TOP6BL: variants seen among roughly 807,000 people sequenced by gnomAD.
TOP6BL encodes type 2 DNA topoisomerase 6 subunit B-like.
the TOP6BL span, among the ~76,000 whole-genome samples, chr11:66,787,467 A>G: frequency 1.9e-4 from 29 of 149,044 alleles, no homozygotes; most frequent in Non-Finnish European, 4.1e-4. Flanking sequence ...GCACTTTGGG[A>G]GGCTGAGGCA....
the TOP6BL span, among the ~76,000 whole-genome samples, chr11:66,797,385 TA>T: frequency 6.6e-6 from 1 of 152,200 alleles, no homozygotes; most frequent in Non-Finnish European, 1.5e-5. Context: ...CACTTTTTTT[TA>T]TTGCTTTATT....
the TOP6BL span, among the ~76,000 whole-genome samples, chr11:66,783,544 C>T: frequency 5.9e-5 from 9 of 152,144 alleles, no homozygotes; most frequent in African/African-American, 2.2e-4. Flanking sequence ...GGGTTTTCTG[C>T]TTATCCTTGT....
the TOP6BL span, among the ~76,000 whole-genome samples, chr11:66,775,112 CAAAAAAAAAA>C: frequency 6.9e-5 from 4 of 57,998 alleles, no homozygotes; most frequent in Admixed American, 2.3e-4. Flanking sequence ...GACTCTGTCT[CAAAAAAAAAA>C]AAAAAAAAAA....
the TOP6BL span, among the ~76,000 whole-genome samples, chr11:66,757,251 G>A: frequency 6.6e-6 from 1 of 152,114 alleles, no homozygotes; most frequent in Non-Finnish European, 1.5e-5. Context: ...GCTGAGGCAG[G>A]AGAATTGCAT....
At chr11:66,838,870 C>T in the TOP6BL span, among the ~76,000 whole-genome samples, 110 of 152,124 alleles carry the variant, frequency 7.2e-4, no homozygotes, top group Non-Finnish European at 1.5e-3. Flanking sequence ...TAGCTGGGAC[C>T]ACAGGCGCCC....
chr11:66,838,255 G>A, the TOP6BL span: 1 of 823,518 alleles, frequency 1.2e-6, no homozygotes, highest in Non-Finnish European at 2.0e-6. Flanking sequence ...GGGAGTTCCA[G>A]GTGAGGGCAG....
the TOP6BL span, among the ~76,000 whole-genome samples, chr11:66,797,663 C>T: frequency 6.6e-6 from 1 of 152,038 alleles, no homozygotes; most frequent in South Asian, 2.1e-4. Flanking sequence ...CACCACCACA[C>T]CTCGCTAATT....
chr11:66,772,990 C>T, the TOP6BL span, among the ~76,000 whole-genome samples: 4 of 152,224 alleles, frequency 2.6e-5, no homozygotes, highest in South Asian at 8.3e-4. Context: ...TGCAAATCAT[C>T]AAGGAAGCCA....
the TOP6BL span, among the ~76,000 whole-genome samples, chr11:66,773,250 C>T: frequency 6.6e-6 from 1 of 151,714 alleles, no homozygotes; most frequent in South Asian, 2.1e-4. Flanking sequence ...GACAGGGTCT[C>T]ACTGTGTTGC....
the TOP6BL span, among the ~76,000 whole-genome samples, chr11:66,798,982 A>T: frequency 6.6e-6 from 1 of 151,832 alleles, no homozygotes; most frequent in Non-Finnish European, 1.5e-5. Context: ...CGAGGTGGGC[A>T]GATCACCTGA....
chr11:66,745,314 T>TGGGGGGGG, the TOP6BL span, among the ~76,000 whole-genome samples: 1 of 111,050 alleles, frequency 9.0e-6, no homozygotes, highest in Non-Finnish European at 1.8e-5. Flanking sequence ...CGGGGCGGGG[T>TGGGGGGGG]GGGGGGAGTC....
chr11:66,804,658 C>G, the TOP6BL span, among the ~76,000 whole-genome samples: 1 of 152,186 alleles, frequency 6.6e-6, no homozygotes, highest in Non-Finnish European at 1.5e-5. Flanking sequence ...TGCTTGACGG[C>G]TGGGTGCAGT....
the TOP6BL span, among the ~76,000 whole-genome samples, chr11:66,800,322 G>A: frequency 6.6e-6 from 1 of 152,070 alleles, no homozygotes; most frequent in Non-Finnish European, 1.5e-5. Flanking sequence ...TATTTCACAG[G>A]GGGGTGACTA....
chr11:66,797,642 TTACAGGTG>T, the TOP6BL span, among the ~76,000 whole-genome samples: 2 of 152,012 alleles, frequency 1.3e-5, no homozygotes, highest in East Asian at 3.9e-4. Context: ...GTAGCTGGGA[TTACAGGTG>T]TGCACCACCA....
chr11:66,766,264 A>G, the TOP6BL span, among the ~76,000 whole-genome samples: 2 of 152,180 alleles, frequency 1.3e-5, no homozygotes, highest in African/African-American at 2.4e-5. Context: ...AATCTGTTCT[A>G]CCAGGGTTGT....
At chr11:66,788,062 A>G in the TOP6BL span, 3 of 775,428 alleles carry the variant, frequency 3.9e-6, no homozygotes, top group African/African-American at 1.7e-5. Context: ...TCATCAGGGA[A>G]AAGCCTTCTT....
the TOP6BL span, chr11:66,842,958 G>C: frequency 1.3e-6 from 2 of 1,552,922 alleles, no homozygotes; most frequent in Non-Finnish European, 1.7e-6. Flanking sequence ...AGGCCGCCCC[G>C]CGCCGCCCGG....
At chr11:66,758,302 C>CTTTTTCTTTTTTTTTT in the TOP6BL span, 2 of 67,318 alleles carry the variant, frequency 3.0e-5, no homozygotes, top group African/African-American at 1.4e-4. Flanking sequence ...TTTTCTTTTT[C>CTTTTTCTTTTTTTTTT]TTTTTTTTTT....
chr11:66,821,101 C>T, the TOP6BL span, among the ~76,000 whole-genome samples: 1 of 152,136 alleles, frequency 6.6e-6, no homozygotes, highest in Non-Finnish European at 1.5e-5. Flanking sequence ...CTGAACATTT[C>T]TAAAGAACTC....
Sources: gnomAD v4.1 joint callset for allele counts (sites outside exome capture counted in the v4.1 genomes callset) on GRCh38, gnomAD v4.1.1 for gene constraint, MANE v1.5 for transcripts, NCBI Gene and HGNC (gene_info 2026-07-23, HGNC 2026-07-21) for gene names.